The following TSTD2 variants were observed in gnomAD, a reference collection of about 807,000 sequenced individuals.
TSTD2 encodes the protein thiosulfate sulfurtransferase/rhodanese-like domain-containing protein 2.
TSTD2 carries 37 observed loss-of-function variants against 47.9 expected under a neutral mutation model. That is an observed-to-expected ratio of 0.77 (90% CI 0.59 to 1.02). TSTD2 has a LOEUF of 1.02. Among genes scored for constraint, TSTD2 ranks in the 50% least tolerant of loss-of-function variants. The probability of loss-of-function intolerance (pLI) is 0.00; values close to 1 mark genes in which losing one functional copy is unlikely to be tolerated. For synonymous variants in TSTD2, 201 were observed against 215.9 expected (o/e 0.93, Z 0.61); for missense variants, 586 against 616.0 (o/e 0.95, Z 0.52).
intron 6 of TSTD2, among the ~76,000 whole-genome samples, chr9:97,607,777 C>T (rs1826388528): frequency 6.6e-6 from 1 of 152,080 alleles, no homozygotes; most frequent in Non-Finnish European, 1.5e-5. Flanking sequence ...GTGGCACATT[C>T]CTTTAGCTCC....
intron 4 of TSTD2, among the ~76,000 whole-genome samples, chr9:97,612,443 G>A (rs974747363): frequency 6.6e-6 from 1 of 152,210 alleles, no homozygotes; most frequent in African/African-American, 2.4e-5. Context: ...CAACGGTTGA[G>A]CTAATTTACA....
intron 3 of TSTD2, among the ~76,000 whole-genome samples, chr9:97,622,539 C>T (rs1826656702): frequency 1.3e-5 from 2 of 152,222 alleles, no homozygotes; most frequent in African/African-American, 4.8e-5. Context: ...AGAAAAGGGC[C>T]ATGGTCCTCC....
chr9:97,617,984 A>G, intron 3 of TSTD2, 107 bp from the exon 4 acceptor site: 3 of 1,393,770 alleles, frequency 2.2e-6, no homozygotes, highest in Non-Finnish European at 2.9e-6. Flanking sequence ...AGATGAGGAC[A>G]CTCATGCCTG....
rs1826740924 is a variant in TSTD2, at chr9:97,627,438, T to A, written c.125A>T (p.Asp42Val). 4 of 1,607,634 alleles carry A rather than the reference T, an allele frequency of 2.5e-6. No homozygotes were observed. Among genetic ancestry groups the A allele is most frequent in the Non-Finnish European group, 3.4e-6 (4 of 1,176,982 alleles). ...CGAGTATTTCTTTTTTGTACTGCCA[T>A]CTAATTCTGCTTTAAGACTGCTGCT... is the stretch of plus-strand genomic sequence containing the variant. ...NPSSSLKAEL[D>V]GSTKKKYSFA... The change falls in exon 2 of 10, where the codon GAT becomes GTT. Residue 42 changes from aspartate (D) to valine (V), a missense_variant. By Grantham distance (152) the Asp-to-Val change is radical. Transcript: ENST00000341170.
chr9:97,600,695 T>C lies in TSTD2; in HGVS notation c.*1774A>G. ...TGACCTTACGCCTGTATATTAAGCC[T>C]CCGCAGGATGCCGGACAATGGTGAA... On this transcript the variant is annotated 3_prime_UTR_variant, in exon 10 of 10. Coordinates refer to ENST00000341170, the MANE Select transcript of TSTD2 (RefSeq NM_139246.5). 1.0e-6 allele frequency: 1 copy of C among 1,003,402 alleles called. No homozygotes were observed. The highest frequency in any genetic ancestry group is 1.7e-5 in the African/African-American group (1 of 57,620). 62.2% of individuals were successfully genotyped at this position (1,003,402 alleles called of 1,614,324 possible).
chr9:97,617,951 C>G, intron 3 of TSTD2, 74 bp from the exon 4 acceptor site: 2 of 1,546,066 alleles, frequency 1.3e-6, no homozygotes, highest in Non-Finnish European at 8.7e-7. Context: ...TAAAATACAC[C>G]CAGGCAGTCT....
chr9:97,632,496 A>C lies in TSTD2; in HGVS notation c.-51+747T>G, dbSNP rs7026463. ...AAGGGATCCTCCCACCTCGGCCCCCAACCCTCCCCTCGAGTAACTGGGACT... is the reference window on the plus strand; with the variant it reads ...AAGGGATCCTCCCACCTCGGCCCCCCACCCTCCCCTCGAGTAACTGGGACT... On this transcript the variant is annotated intron_variant, in intron 1 of 9. Coordinates refer to ENST00000341170, the MANE Select transcript of TSTD2 (RefSeq NM_139246.5). Among the ~76,000 whole-genome samples the C allele has an allele frequency of 4.6e-3, 676 of 148,304 alleles. 3 individuals are homozygous for C. Among genetic ancestry groups the C allele is most frequent in the African/African-American group, 0.016 (640 of 40,602 alleles).
intron 4 of TSTD2, among the ~76,000 whole-genome samples, chr9:97,612,881 C>A (rs1271458377): frequency 6.6e-6 from 1 of 152,212 alleles, no homozygotes; most frequent in East Asian, 1.9e-4. Context: ...TCTAAAATGG[C>A]ATAGCCTTCA....
Position 97,600,241 on chromosome 9 carries a change from C to T in TSTD2, c.*2228G>A, listed in dbSNP as rs1564003813. 10 of 988,348 alleles carry T rather than the reference C, an allele frequency of 1.0e-5. No homozygotes were observed. The highest frequency in any genetic ancestry group is 1.7e-5 in the African/African-American group (1 of 57,234). 61.2% of individuals were successfully genotyped at this position (988,348 alleles called of 1,614,324 possible). On this transcript the variant is annotated 3_prime_UTR_variant, in exon 10 of 10. Coordinates refer to ENST00000341170, the MANE Select transcript of TSTD2 (RefSeq NM_139246.5). Reference sequence around the variant, plus strand: ...CCAGAACACAATTTTCCCCTCAGAACAGATAGACAGACTGAAGCCACTGAA... The same window carrying T: ...CCAGAACACAATTTTCCCCTCAGAATAGATAGACAGACTGAAGCCACTGAA...
chr9:97,615,446 A>G (rs879435656), intron 4 of TSTD2, among the ~76,000 whole-genome samples: 14 of 152,254 alleles, frequency 9.2e-5, no homozygotes, highest in African/African-American at 1.4e-4. Flanking sequence ...TCCCAATCTT[A>G]TAACTTTTCC....
intron 6 of TSTD2, 23 bp from the exon 7 acceptor site, chr9:97,606,284 A>T (rs751040525): frequency 4.4e-5 from 65 of 1,466,856 alleles, no homozygotes; most frequent in Non-Finnish European, 6.1e-5. Flanking sequence ...CAAAAAAATT[A>T]TATTAAAACA....
intron 8 of TSTD2, 128 bp from the exon 9 acceptor site, chr9:97,604,993 C>G: frequency 6.9e-7 from 1 of 1,456,302 alleles, no homozygotes; most frequent in Non-Finnish European, 9.0e-7. Context: ...CAGTCAGGGG[C>G]TCCTGGCTCC....
chr9:97,617,759 T>C lies in TSTD2; in HGVS notation c.601A>G (p.Lys201Glu), dbSNP rs750717430. 2.5e-6 allele frequency: 4 copies of C among 1,612,980 alleles called. No individual in the cohort carries two copies. Among genetic ancestry groups the C allele is most frequent in the Non-Finnish European group, 3.4e-6 (4 of 1,179,702 alleles). Residue 201 changes from lysine (K) to glutamate (E), a missense_variant and splice_region_variant, in exon 4 of 10, where the codon AAG (lysine) becomes GAG (glutamate). Physicochemically the swap from Lys to Glu is moderately conservative, Grantham distance 56. Transcript: ENST00000341170. The part of the protein sequence containing the change: ...ALCQHLHLTG[K>E]IRIAAEGING... ...AGGAATATAGGAGAAGGTGTTACCTTGCCTGTGAGGTGCAGGTGCTGACAC... is the reference window on the plus strand; with the variant it reads ...AGGAATATAGGAGAAGGTGTTACCTCGCCTGTGAGGTGCAGGTGCTGACAC...
At chr9:97,632,001 C>G (rs1826828217) in intron 1 of TSTD2, among the ~76,000 whole-genome samples, 1 of 152,166 alleles carries the variant, frequency 6.6e-6, no homozygotes, top group Non-Finnish European at 1.5e-5. Flanking sequence ...CTGAATGGGT[C>G]GTTAGAATAT....
chr9:97,630,692 A>G (rs1826794901), intron 1 of TSTD2, among the ~76,000 whole-genome samples: 2 of 152,246 alleles, frequency 1.3e-5, no homozygotes, highest in South Asian at 2.1e-4. Flanking sequence ...AGAGGAGGTA[A>G]TATCAATGAA....
At chr9:97,604,662 T>G in intron 9 of TSTD2, 65 bp downstream of exon 9, 1 of 1,604,470 alleles carries the variant, frequency 6.2e-7, no homozygotes, top group Non-Finnish European at 8.5e-7. Flanking sequence ...TGTGTCATTT[T>G]TCTAGAATAG....
intron 1 of TSTD2, among the ~76,000 whole-genome samples, 183 bp downstream of exon 1, chr9:97,633,060 G>T (rs1032856043): frequency 6.6e-6 from 1 of 152,252 alleles, no homozygotes; most frequent in African/African-American, 2.4e-5. Context: ...GGAAAATGAC[G>T]GCCAGCCGGC....
Position 97,601,317 on chromosome 9 carries a change from A to G in TSTD2, c.*1152T>C. ...GACATGTGCCTGGCACACTGGCCAG[A>G]AGACTGGGCAGCCACCATGGCAGTG... On this transcript the variant is annotated 3_prime_UTR_variant, in exon 10 of 10. Transcript: ENST00000341170. 1 of 1,157,446 alleles carries G rather than the reference A, an allele frequency of 8.6e-7. No individual in the cohort carries two copies. Among genetic ancestry groups the G allele is most frequent in the Non-Finnish European group, 1.1e-6 (1 of 922,000 alleles). The allele number at this position is 1,157,446 out of a possible 1,614,324, so 71.7% of individuals were successfully genotyped here.
At chr9:97,624,373 A>G (rs1826686751) in intron 3 of TSTD2, among the ~76,000 whole-genome samples, 1 of 152,170 alleles carries the variant, frequency 6.6e-6, no homozygotes, top group African/African-American at 2.4e-5. Context: ...AGCCACTGAA[A>G]AAACAAGCCT....
Sources: gnomAD v4.1 joint callset for allele counts (sites outside exome capture counted in the v4.1 genomes callset) on GRCh38, gnomAD v4.1.1 for gene constraint, MANE v1.5 for transcripts, NCBI Gene and HGNC (gene_info 2026-07-23, HGNC 2026-07-21) for gene names.